FAM110B: variants seen among roughly 807,000 people sequenced by gnomAD.
FAM110B encodes protein FAM110B.
Under a neutral mutation model 20.4 loss-of-function variants are expected in FAM110B, and 6 were observed. That is an observed-to-expected ratio of 0.29 (90% confidence interval 0.16 to 0.58). The LOEUF is 0.58. Among genes scored for constraint, FAM110B ranks in the 20% least tolerant of loss-of-function variants. The pLI is 0.90. For synonymous variants in FAM110B, 226 were observed against 214.1 expected (o/e 1.06, Z -0.49); for missense variants, 434 against 498.2 (o/e 0.87, Z 1.23).
intron 2 of FAM110B, among the ~76,000 whole-genome samples, chr8:58,068,218 T>C (rs751316213): frequency 6.6e-6 from 1 of 152,226 alleles, no homozygotes; most frequent in Non-Finnish European, 1.5e-5. Flanking sequence ...CTTGGAGTTT[T>C]TACCTCCTGG....
chr8:57,995,666 G>A (rs1465387455), intron 1 of FAM110B, among the ~76,000 whole-genome samples: 1 of 152,204 alleles, frequency 6.6e-6, no homozygotes, highest in Non-Finnish European at 1.5e-5. Flanking sequence ...TAACTTTGCA[G>A]TGTGCTTAAA....
At chr8:58,143,406 A>G (rs1281486918) in intron 3 of FAM110B, among the ~76,000 whole-genome samples, 2 of 152,220 alleles carry the variant, frequency 1.3e-5, no homozygotes, top group African/African-American at 4.8e-5. Context: ...TATTAGGGAA[A>G]TTGGGAATAG....
chr8:58,068,821 G>A (rs1242729696), intron 2 of FAM110B, among the ~76,000 whole-genome samples: 5 of 152,276 alleles, frequency 3.3e-5, no homozygotes, highest in Admixed American at 3.3e-4. Context: ...AGAACGGAGA[G>A]TTGCATTTGA....
chr8:57,996,849 T>C (rs1440726154), intron 1 of FAM110B, among the ~76,000 whole-genome samples: 1 of 152,242 alleles, frequency 6.6e-6, no homozygotes, highest in Non-Finnish European at 1.5e-5. Context: ...GAGCATTTAA[T>C]TCTTTTTCAT....
chr8:58,036,205 A>T (rs895457195), intron 2 of FAM110B, among the ~76,000 whole-genome samples: 4 of 152,182 alleles, frequency 2.6e-5, no homozygotes, highest in African/African-American at 7.2e-5. Context: ...CCTTTGCTAC[A>T]TCTTTTCTCA....
At chr8:58,001,569 G>C (rs1430371607) in intron 1 of FAM110B, among the ~76,000 whole-genome samples, 2 of 152,146 alleles carry the variant, frequency 1.3e-5, no homozygotes, top group Non-Finnish European at 1.5e-5. Flanking sequence ...AGATCGAACT[G>C]TTTTGATTGT....
intron 2 of FAM110B, among the ~76,000 whole-genome samples, chr8:58,044,968 CTAAAA>C (rs1805291161): frequency 6.6e-6 from 1 of 152,052 alleles, no homozygotes; most frequent in Non-Finnish European, 1.5e-5. Context: ...AGTTAACTGG[CTAAAA>C]TAAAAAGCTC....
At chr8:58,145,729 GCGGGGGCGCAAGGCC>G (rs1803847366) in intron 3 of FAM110B, among the ~76,000 whole-genome samples, 163 bp from the exon 4 acceptor site, 1 of 152,212 alleles carries the variant, frequency 6.6e-6, no homozygotes, top group Non-Finnish European at 1.5e-5. Flanking sequence ...GTCGGCGCAG[GCGGGGGCGCAAGGCC>G]CGGGTCGTCC....
chr8:58,075,655 GAGA>G (rs1806020472), intron 3 of FAM110B, 32 bp downstream of exon 3: 1 of 152,056 alleles, frequency 6.6e-6, no homozygotes, highest in Admixed American at 6.5e-5. Flanking sequence ...GATCCATTCT[GAGA>G]AGGAGATATT....
At chr8:58,052,929 G>C (rs1388261325) in intron 2 of FAM110B, among the ~76,000 whole-genome samples, 2 of 149,856 alleles carry the variant, frequency 1.3e-5, no homozygotes, top group South Asian at 4.4e-4. Context: ...GGGACTACAG[G>C]CGCCCGCTAC....
chr8:58,123,366 A>T (rs780975026), intron 3 of FAM110B, among the ~76,000 whole-genome samples: 57 of 152,174 alleles, frequency 3.7e-4, no homozygotes, highest in Non-Finnish European at 7.8e-4. Flanking sequence ...TTCCCCAGAC[A>T]CTTCGAATGA....
intron 2 of FAM110B, among the ~76,000 whole-genome samples, chr8:58,037,142 A>G (rs1288492565): frequency 6.7e-6 from 1 of 149,564 alleles, no homozygotes; most frequent in Non-Finnish European, 1.5e-5. Flanking sequence ...ATTTTTTTTT[A>G]CATAGTCTAT....
At chr8:58,064,110 T>G (rs1279055299) in intron 2 of FAM110B, among the ~76,000 whole-genome samples, 1 of 152,174 alleles carries the variant, frequency 6.6e-6, no homozygotes, top group Non-Finnish European at 1.5e-5. Flanking sequence ...ACTCACTCAC[T>G]GTACAGTACC....
chr8:58,136,232 G>C (rs372422918), intron 3 of FAM110B, among the ~76,000 whole-genome samples: 1 of 152,042 alleles, frequency 6.6e-6, no homozygotes, highest in East Asian at 1.9e-4. Context: ...GGATGGTCTC[G>C]ATCTCCTGAC....
intron 3 of FAM110B, among the ~76,000 whole-genome samples, chr8:58,092,668 C>T (rs1384815281): frequency 6.6e-6 from 1 of 152,086 alleles, no homozygotes; most frequent in Non-Finnish European, 1.5e-5. Context: ...GGGTTGGTTC[C>T]AAGTCTTTGC....
chr8:58,045,413 C>G (rs1805300567), intron 2 of FAM110B, among the ~76,000 whole-genome samples: 1 of 152,184 alleles, frequency 6.6e-6, no homozygotes, highest in Non-Finnish European at 1.5e-5. Context: ...GCCTGGCACC[C>G]AGTGAAATGA....
chr8:58,059,674 A>G (rs531131066), intron 2 of FAM110B, among the ~76,000 whole-genome samples: 3 of 150,928 alleles, frequency 2.0e-5, no homozygotes, highest in African/African-American at 7.3e-5. Context: ...TGTATTGGAT[A>G]TATTTTCTTT....
chr8:58,057,938 C>A (rs1374785266), intron 2 of FAM110B, among the ~76,000 whole-genome samples: 2 of 152,240 alleles, frequency 1.3e-5, no homozygotes, highest in Non-Finnish European at 2.9e-5. Context: ...CAAGGGTGGC[C>A]TCCAACCTGC....
At chr8:58,024,937 T>C (rs1043338870) in intron 1 of FAM110B, among the ~76,000 whole-genome samples, 1 of 152,220 alleles carries the variant, frequency 6.6e-6, no homozygotes, top group Non-Finnish European at 1.5e-5. Flanking sequence ...TCACCTTCTA[T>C]CTTCTGTAGA....
Sources: allele counts gnomAD v4.1 joint callset (sites outside exome capture counted in the v4.1 genomes callset), GRCh38; gene constraint gnomAD v4.1.1; transcripts MANE v1.5; gene names NCBI Gene and HGNC (gene_info 2026-07-23, HGNC 2026-07-21).